Variants in CAST observed in about 807,000 individuals in gnomAD.
The protein encoded by CAST is MIR583 host.
CAST carries 76 observed loss-of-function variants against 119.6 expected under a neutral mutation model. The ratio of observed to expected loss-of-function variants is 0.64; its 90% CI spans 0.53 to 0.77. The LOEUF (loss-of-function observed/expected upper bound fraction) is 0.77. Among genes scored for constraint, CAST ranks in the 30% least tolerant of loss-of-function variants. The pLI, the probability that CAST is intolerant of heterozygous loss-of-function variation, is 0.00. For missense variants in CAST, 953 were observed against 946.5 expected, an observed-to-expected ratio of 1.01 and a Z score of -0.09; for synonymous variants, 319 against 331.6, an observed-to-expected ratio of 0.96 and a Z score of 0.41.
chr5:96,322,565 C>T, the CAST span, among the ~76,000 whole-genome samples: 1 of 152,080 alleles, frequency 6.6e-6, no homozygotes, highest in Non-Finnish European at 1.5e-5. Context: ...GAAGAGAGAA[C>T]ATGCCATCTG....
chr5:96,172,676 T>C, the CAST span, among the ~76,000 whole-genome samples: 9 of 152,218 alleles, frequency 5.9e-5, no homozygotes, highest in African/African-American at 1.2e-4. Context: ...AATTCTTAGA[T>C]ATATGAGTCA....
chr5:96,201,029 T>C, the CAST span, among the ~76,000 whole-genome samples: 1 of 152,238 alleles, frequency 6.6e-6, no homozygotes, highest in South Asian at 2.1e-4. Flanking sequence ...AGGACTGCTT[T>C]CCAGAGAAAA....
chr5:96,651,204 A>G (rs1473250405), intron 1 of CAST, among the ~76,000 whole-genome samples: 1 of 152,210 alleles, frequency 6.6e-6, no homozygotes, highest in Admixed American at 6.5e-5. Flanking sequence ...GCTCCTCAGC[A>G]ACAAAGCACT....
intron 1 of CAST, among the ~76,000 whole-genome samples, chr5:96,551,350 C>T (rs186925617): frequency 2.9e-3 from 442 of 152,266 alleles, no homozygotes; most frequent in African/African-American, 9.8e-3. Flanking sequence ...CAAAATCCTT[C>T]GCAGACAAGC....
the CAST span, among the ~76,000 whole-genome samples, chr5:96,354,974 T>G: frequency 6.6e-6 from 1 of 152,192 alleles, no homozygotes; most frequent in East Asian, 1.9e-4. Context: ...TTTCAAAAAT[T>G]TTACCTATGT....
chr5:96,615,037 C>T (rs1378146722), intron 1 of CAST, among the ~76,000 whole-genome samples: 1 of 152,184 alleles, frequency 6.6e-6, no homozygotes, highest in Non-Finnish European at 1.5e-5. Context: ...AAATCATATG[C>T]ATTCAGTAGA....
At chr5:96,153,130 T>C in the CAST span, among the ~76,000 whole-genome samples, 1 of 152,190 alleles carries the variant, frequency 6.6e-6, no homozygotes, top group Non-Finnish European at 1.5e-5. Context: ...ATTGATATTG[T>C]GGTCCTTGGG....
chr5:96,088,193 G>T, the CAST span, among the ~76,000 whole-genome samples: 3 of 152,106 alleles, frequency 2.0e-5, no homozygotes, highest in Non-Finnish European at 1.5e-5. Context: ...TGTAATATTT[G>T]TGCACACACT....
the CAST span, among the ~76,000 whole-genome samples, chr5:96,062,803 A>G: frequency 6.6e-6 from 1 of 152,238 alleles, no homozygotes; most frequent in East Asian, 1.9e-4. Context: ...TGAATGGAAA[A>G]GTATAGAAGT....
chr5:96,078,699 G>C, the CAST span, among the ~76,000 whole-genome samples: 2 of 152,316 alleles, frequency 1.3e-5, no homozygotes, highest in South Asian at 4.1e-4. Context: ...TTAATGTCAA[G>C]TTAAATCAAT....
chr5:96,037,880 G>A, the CAST span, among the ~76,000 whole-genome samples: 9 of 152,082 alleles, frequency 5.9e-5, no homozygotes, highest in African/African-American at 2.2e-4. Flanking sequence ...CACATCTTTG[G>A]CTCATCTTCT....
the CAST span, among the ~76,000 whole-genome samples, chr5:95,991,497 GTTTTTTTTTTTTTTT>G: frequency 4.5e-4 from 29 of 64,972 alleles, no homozygotes; most frequent in African/African-American, 1.7e-3. Context: ...AACAAGTTTT[GTTTTTTTTTTTTTTT>G]TTTTTTTTTT....
chr5:96,756,381 C>A (rs1338504495), intron 22 of CAST, among the ~76,000 whole-genome samples: 1 of 152,182 alleles, frequency 6.6e-6, no homozygotes, highest in Non-Finnish European at 1.5e-5. Flanking sequence ...GAAGAATGGT[C>A]AGAAGGCAAA....
exon 1 of CAST, chr5:96,529,842 A>G (rs1177808674): frequency 2.3e-6 from 1 of 434,030 alleles, no homozygotes; most frequent in Admixed American, 2.5e-5. Context: ...TTCTGCCATG[A>G]TTGTAAGTTT....
chr5:96,542,506 T>C (rs377584318), intron 1 of CAST, among the ~76,000 whole-genome samples: 1 of 152,138 alleles, frequency 6.6e-6, no homozygotes, highest in Non-Finnish European at 1.5e-5. Context: ...CTAATGGCTG[T>C]TTTAATTGCA....
chr5:96,469,227 G>A, the CAST span, among the ~76,000 whole-genome samples: 19 of 152,158 alleles, frequency 1.2e-4, no homozygotes, highest in South Asian at 6.2e-4. Context: ...GTACATCAGC[G>A]TGATTAAACG....
the CAST span, among the ~76,000 whole-genome samples, chr5:96,229,433 G>GA: frequency 4.0e-5 from 6 of 151,432 alleles, no homozygotes; most frequent in South Asian, 2.1e-4. Context: ...GCATCCATTG[G>GA]AAAAAAAAGA....
chr5:96,734,083 A>T (rs1761154684), intron 9 of CAST, among the ~76,000 whole-genome samples: 1 of 152,164 alleles, frequency 6.6e-6, no homozygotes, highest in East Asian at 1.9e-4. Context: ...AGAGCTTTGG[A>T]AGAGTAGATC....
chr5:96,275,371 T>G, the CAST span, among the ~76,000 whole-genome samples: 1 of 152,076 alleles, frequency 6.6e-6, no homozygotes, highest in African/African-American at 2.4e-5. Flanking sequence ...TAACCAATGA[T>G]GTCAAAAAAG....
Sources: gnomAD v4.1 joint callset for allele counts (sites outside exome capture counted in the v4.1 genomes callset) on GRCh38, gnomAD v4.1.1 for gene constraint, MANE v1.5 for transcripts, NCBI Gene and HGNC (gene_info 2026-07-23, HGNC 2026-07-21) for gene names.